SRBD1: variants seen among roughly 807,000 people sequenced by gnomAD.
The protein encoded by SRBD1 is S1 RNA binding domain 1.
A neutral mutation model predicts 115.3 loss-of-function variants in SRBD1; 88 were observed. That is an observed-to-expected ratio of 0.76 (90% confidence interval 0.64 to 0.91). SRBD1 has a LOEUF of 0.91. Ranked by LOEUF, SRBD1 falls within the 40% of genes least tolerant of loss-of-function variation. The pLI, the probability that SRBD1 is intolerant of heterozygous loss-of-function variation, is 0.00. For synonymous variants in SRBD1, 509 were observed against 407.7 expected (o/e 1.25, Z -2.99); for missense variants, 1,385 against 1,177.4 (o/e 1.18, Z -2.58).
At chr2:45,583,831 T>C (rs1174796254) in intron 5 of SRBD1, among the ~76,000 whole-genome samples, 1 of 152,164 alleles carries the variant, frequency 6.6e-6, no homozygotes, top group Non-Finnish European at 1.5e-5. Context: ...CTTCAAGGAA[T>C]ATTCACTCCT....
chr2:45,580,349 T>C (rs1673312721), intron 6 of SRBD1, among the ~76,000 whole-genome samples: 1 of 152,052 alleles, frequency 6.6e-6, no homozygotes, highest in Admixed American at 6.6e-5. Flanking sequence ...TTTTTTTTGT[T>C]TTTTTCTTTT....
Position 45,389,218 on chromosome 2 carries a change from A to G in SRBD1, c.*92T>C. On this transcript the variant is annotated 3_prime_UTR_variant, in exon 21 of 21. Transcript: ENST00000263736. ...TCTGATATTAAGTGAATTATTTCTC[A>G]TCTGCTACCTAGAGTTTACAAACAA... The G allele has an allele frequency of 7.2e-7, 1 of 1,394,504 alleles. No homozygotes were observed. The highest frequency in any genetic ancestry group is 9.7e-7 in the Non-Finnish European group (1 of 1,025,950). 86.4% of individuals were successfully genotyped at this position (1,394,504 alleles called of 1,614,324 possible).
chr2:45,522,768 CA>C (rs1304781336), intron 14 of SRBD1, among the ~76,000 whole-genome samples: 4 of 152,254 alleles, frequency 2.6e-5, no homozygotes, highest in Admixed American at 2.6e-4. Context: ...CTCTTTCTTA[CA>C]ATTTTCTTAA....
intron 9 of SRBD1, among the ~76,000 whole-genome samples, chr2:45,568,885 A>G (rs1387165837): frequency 1.3e-5 from 2 of 152,270 alleles, no homozygotes; most frequent in Non-Finnish European, 2.9e-5. Flanking sequence ...TCAGTAGACT[A>G]TAATAACTAC....
At chr2:45,426,281 A>G (rs1470710669) in intron 16 of SRBD1, among the ~76,000 whole-genome samples, 1 of 152,244 alleles carries the variant, frequency 6.6e-6, no homozygotes, top group Non-Finnish European at 1.5e-5. Flanking sequence ...AAGCCACTGT[A>G]GCCAGACTGC....
chr2:45,594,372 C>T (rs1203954080), intron 4 of SRBD1, among the ~76,000 whole-genome samples: 1 of 152,180 alleles, frequency 6.6e-6, no homozygotes, highest in Non-Finnish European at 1.5e-5. Flanking sequence ...TGCTCAACTC[C>T]CCTACACTCA....
chr2:45,526,394 A>G (rs937794038), intron 14 of SRBD1, among the ~76,000 whole-genome samples: 2 of 152,000 alleles, frequency 1.3e-5, no homozygotes, highest in Non-Finnish European at 2.9e-5. Context: ...TATTCAGGAC[A>G]GGGAAATCTA....
chr2:45,389,619 AGT>A lies in SRBD1; in HGVS notation c.2699-22_2699-21del. 6.2e-7 allele frequency: 1 copy of A among 1,605,682 alleles called. No individual in the cohort carries two copies. Among genetic ancestry groups the A allele is most frequent in the Non-Finnish European group, 8.5e-7 (1 of 1,175,866 alleles). On this transcript the variant is annotated intron_variant, in intron 20 of 20. Transcript: ENST00000263736. ...CAAAATCTGTAAGAGAAAAAAAGTAAGTGTAAATAAGGCATTGTACTTCCTAG... is the reference window on the plus strand; with the variant it reads ...CAAAATCTGTAAGAGAAAAAAAGTAAGTAAATAAGGCATTGTACTTCCTAG...
intron 19 of SRBD1, among the ~76,000 whole-genome samples, chr2:45,406,564 A>G (rs1249106892): frequency 1.3e-5 from 2 of 152,160 alleles, no homozygotes; most frequent in African/African-American, 2.4e-5. Flanking sequence ...TAGGATGAAC[A>G]CGCTACTCCT....
At chr2:45,501,061 AC>A (rs1294772993) in intron 14 of SRBD1, among the ~76,000 whole-genome samples, 3 of 152,146 alleles carry the variant, frequency 2.0e-5, no homozygotes, top group East Asian at 3.9e-4. Flanking sequence ...TTCCTTCTCC[AC>A]CCAATTTGTT....
chr2:45,500,917 C>A (rs1670611863), intron 14 of SRBD1, among the ~76,000 whole-genome samples: 1 of 152,048 alleles, frequency 6.6e-6, no homozygotes, highest in African/African-American at 2.4e-5. Flanking sequence ...CTGGCTAGGT[C>A]TATGTTGGAT....
chr2:45,515,973 C>T (rs1451884711), intron 14 of SRBD1, among the ~76,000 whole-genome samples: 1 of 152,142 alleles, frequency 6.6e-6, no homozygotes, highest in East Asian at 1.9e-4. Context: ...ATAACTACTT[C>T]AGCAGCCCCT....
intron 16 of SRBD1, among the ~76,000 whole-genome samples, chr2:45,438,573 C>T (rs1668569351): frequency 6.6e-6 from 1 of 151,982 alleles, no homozygotes; most frequent in South Asian, 2.1e-4. Context: ...AATACAGCAT[C>T]TGAAATAAAA....
intron 14 of SRBD1, among the ~76,000 whole-genome samples, chr2:45,493,709 G>A (rs771953786): frequency 1.3e-5 from 2 of 151,792 alleles, no homozygotes; most frequent in Non-Finnish European, 2.9e-5. Context: ...AGCTACTCAG[G>A]AGGCTGAGGC....
chr2:45,509,642 C>CACAG (rs1442460071), intron 14 of SRBD1, among the ~76,000 whole-genome samples: 4 of 150,474 alleles, frequency 2.7e-5, no homozygotes, highest in Non-Finnish European at 5.9e-5. Flanking sequence ...CACACACACA[C>CACAG]ACACGCAAAG....
rs560233189 is a variant in SRBD1, at chr2:45,550,313, C to T, written c.1675+812G>A. ...AGCTCCACAAACCCTAAGTGGAATT[C>T]ATGCAGAAAAGAAAAGACAAGAAAA... On this transcript the variant is annotated intron_variant, in intron 12 of 20. Transcript: ENST00000263736. 5.9e-5 allele frequency among the ~76,000 whole-genome samples: 9 copies of T among 152,132 alleles called. No individual in the cohort carries two copies. The East Asian group carries it at 1.7e-3, about 29-fold the overall frequency.
chr2:45,410,494 A>G (rs1363378698), intron 19 of SRBD1, among the ~76,000 whole-genome samples: 1 of 152,242 alleles, frequency 6.6e-6, no homozygotes, highest in African/African-American at 2.4e-5. Flanking sequence ...TTCATGTGAT[A>G]TTGGGAAGTA....
At chr2:45,557,846 G>C (rs182652902) in intron 10 of SRBD1, among the ~76,000 whole-genome samples, 65 of 152,230 alleles carry the variant, frequency 4.3e-4, no homozygotes, top group African/African-American at 1.5e-3. Context: ...AAATACATCT[G>C]AATAAAACTA....
chr2:45,488,560 C>G (rs1262426363), intron 14 of SRBD1, among the ~76,000 whole-genome samples: 2 of 151,988 alleles, frequency 1.3e-5, no homozygotes, highest in Non-Finnish European at 2.9e-5. Flanking sequence ...ATAATGAATT[C>G]AATCAGAGAA....
Sources: gnomAD v4.1 joint callset for allele counts (sites outside exome capture counted in the v4.1 genomes callset) on GRCh38, gnomAD v4.1.1 for gene constraint, MANE v1.5 for transcripts, NCBI Gene and HGNC (gene_info 2026-07-23, HGNC 2026-07-21) for gene names.